The following SLCO6A1 variants were observed in gnomAD, a reference collection of about 807,000 sequenced individuals.
The protein encoded by SLCO6A1 is solute carrier organic anion transporter family member 6A1.
Under a neutral mutation model 72.7 loss-of-function variants are expected in SLCO6A1, and 65 were observed. That is an observed-to-expected ratio of 0.89 (90% CI 0.73 to 1.10). The LOEUF is 1.10. SLCO6A1 is among the 50% of genes least tolerant of loss of function. The pLI is 0.00. For synonymous variants in SLCO6A1, 314 were observed against 298.2 expected, an observed-to-expected ratio of 1.05 and a Z score of -0.55; for missense variants, 874 against 872.6, an observed-to-expected ratio of 1.00 and a Z score of -0.02.
At chr5:102,392,426 T>C (rs1304687001) in intron 10 of SLCO6A1, among the ~76,000 whole-genome samples, 2 of 152,046 alleles carry the variant, frequency 1.3e-5, no homozygotes, top group Non-Finnish European at 2.9e-5. Context: ...TGTTCTCCTT[T>C]ATTTAGCATA....
chr5:102,418,739 G>A (rs1384977477), intron 8 of SLCO6A1, among the ~76,000 whole-genome samples: 1 of 152,022 alleles, frequency 6.6e-6, no homozygotes, highest in Non-Finnish European at 1.5e-5. Context: ...TGTTAATTGA[G>A]AACCAGGATT....
intron 1 of SLCO6A1, among the ~76,000 whole-genome samples, chr5:102,491,556 C>T (rs889393918): frequency 7.2e-5 from 11 of 152,336 alleles, no homozygotes; most frequent in South Asian, 4.1e-4. Context: ...GCTAAGGCCC[C>T]GCGAGAAATT....
rs1442367313 is a variant in SLCO6A1, at chr5:102,395,981, T to C, written c.1814+3574A>G. On this transcript the variant is annotated intron_variant, in intron 10 of 13. Coordinates refer to ENST00000506729, the MANE Select transcript of SLCO6A1 (RefSeq NM_173488.5). ...AGTAGATTGCAAAAATTTTCTCCCA[T>C]TCTGTAGGTTGCCTGTTCACTCTGA... 3.3e-4 allele frequency among the ~76,000 whole-genome samples: 50 copies of C among 152,162 alleles called. 1 individual carries two copies. The East Asian group carries it at 8.9e-3, about 27-fold the overall frequency.
At chr5:102,400,296 A>T (rs1019201599) in intron 9 of SLCO6A1, among the ~76,000 whole-genome samples, 55 of 151,942 alleles carry the variant, frequency 3.6e-4, no homozygotes, top group Admixed American at 3.5e-3. Flanking sequence ...TCAAAGAAAA[A>T]AGTGTATAAT....
intron 12 of SLCO6A1, among the ~76,000 whole-genome samples, chr5:102,387,621 C>T (rs892361023): frequency 2.8e-4 from 42 of 151,828 alleles, no homozygotes; most frequent in African/African-American, 9.7e-4. Context: ...TACTTGACTT[C>T]GGAATTAGAA....
chr5:102,422,123 C>A (rs1022607862), intron 7 of SLCO6A1, among the ~76,000 whole-genome samples: 1 of 152,170 alleles, frequency 6.6e-6, no homozygotes, highest in Non-Finnish European at 1.5e-5. Context: ...CAAAGGTCAT[C>A]GGCATCAAAG....
At chr5:102,410,814 A>G (rs1220338530) in intron 9 of SLCO6A1, among the ~76,000 whole-genome samples, 1 of 152,200 alleles carries the variant, frequency 6.6e-6, no homozygotes, top group Non-Finnish European at 1.5e-5. Context: ...TTATTGCCCC[A>G]TGAACCTCTA....
chr5:102,453,561 C>T (rs1580454405), intron 6 of SLCO6A1, among the ~76,000 whole-genome samples: 2 of 151,942 alleles, frequency 1.3e-5, no homozygotes, highest in African/African-American at 4.8e-5. Flanking sequence ...TTAAATAATA[C>T]GTTGTAGCTT....
intron 7 of SLCO6A1, among the ~76,000 whole-genome samples, chr5:102,432,623 GCTTGTAGGGTTC>G (rs1419910617): frequency 7.2e-5 from 11 of 152,084 alleles, no homozygotes; most frequent in Non-Finnish European, 1.5e-4. Context: ...AAGAGGTCTA[GCTTGTAGGGTTC>G]CTGCTGATAG....
At chr5:102,493,889 A>C (rs1051537424) in intron 1 of SLCO6A1, among the ~76,000 whole-genome samples, 3 of 152,194 alleles carry the variant, frequency 2.0e-5, no homozygotes, top group African/African-American at 7.2e-5. Flanking sequence ...TTTTCTCCAA[A>C]TTTATAGACT....
intron 6 of SLCO6A1, among the ~76,000 whole-genome samples, chr5:102,457,049 G>A (rs958568206): frequency 8.5e-5 from 13 of 152,124 alleles, no homozygotes; most frequent in African/African-American, 2.2e-4. Flanking sequence ...GGCTAGCCAT[G>A]TGTAGAAAGC....
In SLCO6A1 at chr5:102,469,840, C is replaced by T. The variant is rs190022524; in HGVS notation, c.899+5857G>A. The stretch of plus-strand genomic sequence containing the variant: ...TATTTTGAGATACATTCCATCAATA[C>T]CTAGTTTATTGAGAGTTTTTAGCAT... On this transcript the variant is annotated intron_variant, in intron 4 of 13. Coordinates refer to ENST00000506729, the MANE Select transcript of SLCO6A1 (RefSeq NM_173488.5). 2.7e-3 allele frequency among the ~76,000 whole-genome samples: 417 copies of T among 152,118 alleles called. 4 individuals are homozygous for T. The highest frequency in any genetic ancestry group is 6.5e-3 in the Admixed American group (99 of 15,272).
chr5:102,446,832 G>A (rs185471367), intron 6 of SLCO6A1, among the ~76,000 whole-genome samples: 6 of 152,236 alleles, frequency 3.9e-5, no homozygotes, highest in East Asian at 3.9e-4. Flanking sequence ...TCGGCTCACC[G>A]CAACCTCTGC....
intron 12 of SLCO6A1, among the ~76,000 whole-genome samples, chr5:102,384,006 T>G (rs1389313473): frequency 6.6e-6 from 1 of 151,874 alleles, no homozygotes; most frequent in Admixed American, 6.6e-5. Flanking sequence ...TCCTTTTTAT[T>G]TCTGTTGCAT....
intron 7 of SLCO6A1, among the ~76,000 whole-genome samples, chr5:102,430,649 T>A (rs1749165247): frequency 6.6e-6 from 1 of 152,144 alleles, no homozygotes; most frequent in Admixed American, 6.5e-5. Context: ...GGATAAAACC[T>A]ACTTGATCAT....
Position 102,427,870 on chromosome 5 carries a change from T to A in SLCO6A1, c.1277-7849A>T, listed in dbSNP as rs1422990107. On this transcript the variant is annotated intron_variant, in intron 7 of 13. Transcript: ENST00000506729. ...CATATATATATATATATATATTTTTTTTTTTTTTTTTTTTTTTGAGACCGA... is the reference window on the plus strand; with the variant it reads ...CATATATATATATATATATATTTTTATTTTTTTTTTTTTTTTTGAGACCGA... Among the ~76,000 whole-genome samples the A allele has an allele frequency of 6.5e-3, 666 of 102,890 alleles. 5 individuals carry two copies. The highest frequency in any genetic ancestry group is 0.033 in the African/African-American group (617 of 18,848). 67.5% of individuals were successfully genotyped at this position (102,890 alleles called of 152,430 possible).
At chr5:102,478,242 A>G (rs1752012520) in intron 2 of SLCO6A1, among the ~76,000 whole-genome samples, 1 of 151,882 alleles carries the variant, frequency 6.6e-6, no homozygotes, top group South Asian at 2.1e-4. Context: ...ATGTGCATGC[A>G]TGATTGTATA....
chr5:102,425,672 T>A (rs1748853105), intron 7 of SLCO6A1, among the ~76,000 whole-genome samples: 1 of 152,166 alleles, frequency 6.6e-6, no homozygotes, highest in African/African-American at 2.4e-5. Flanking sequence ...GAAGAATCAA[T>A]ATCGTGAAAA....
At chr5:102,445,942 C>G (rs976893002) in intron 6 of SLCO6A1, among the ~76,000 whole-genome samples, 1 of 152,114 alleles carries the variant, frequency 6.6e-6, no homozygotes, top group Non-Finnish European at 1.5e-5. Flanking sequence ...TGTTTATGTA[C>G]CAGTACCATG....
Sources: gnomAD v4.1 joint callset for allele counts (sites outside exome capture counted in the v4.1 genomes callset) on GRCh38, gnomAD v4.1.1 for gene constraint, MANE v1.5 for transcripts, NCBI Gene and HGNC (gene_info 2026-07-23, HGNC 2026-07-21) for gene names.